The following TENM2 variants were observed in gnomAD, a reference collection of about 807,000 sequenced individuals.
TENM2 encodes the protein teneurin-2.
A neutral mutation model predicts 245.2 loss-of-function variants in TENM2; 52 were observed. The observed-to-expected ratio is 0.21, with a 90% confidence interval of 0.17 to 0.27. The LOEUF (loss-of-function observed/expected upper bound fraction) is 0.27, where lower values mean the gene tolerates loss of function less well. TENM2 is among the 10% of genes least tolerant of loss of function. The pLI is 1.00. For synonymous variants in TENM2, 1,363 were observed against 1,438.9 expected (o/e 0.95, Z 1.19); for missense variants, 3,046 against 3,666.8 (o/e 0.83, Z 4.37).
intron 2 of TENM2, among the ~76,000 whole-genome samples, chr5:167,825,065 C>A (rs1767847207): frequency 6.6e-6 from 1 of 151,820 alleles, no homozygotes; most frequent in Non-Finnish European, 1.5e-5. Flanking sequence ...ACTTGGAAAT[C>A]TGGTTGGGAG....
chr5:168,206,398 C>T (rs547052647), intron 19 of TENM2, among the ~76,000 whole-genome samples: 8 of 152,298 alleles, frequency 5.3e-5, no homozygotes, highest in Non-Finnish European at 1.0e-4. Flanking sequence ...CTCTGCGGTA[C>T]AGAAGGGGAT....
At chr5:167,607,254 A>T (rs765977933) in intron 2 of TENM2, among the ~76,000 whole-genome samples, 3 of 152,146 alleles carry the variant, frequency 2.0e-5, no homozygotes, top group Non-Finnish European at 4.4e-5. Flanking sequence ...GCCTCTCAGG[A>T]CTGGGAAAAC....
intron 2 of TENM2, among the ~76,000 whole-genome samples, chr5:167,570,958 A>G (rs1774229201): frequency 6.6e-6 from 1 of 152,124 alleles, no homozygotes; most frequent in Non-Finnish European, 1.5e-5. Flanking sequence ...TGAGTGGTAG[A>G]ACTTATTGAG....
At chr5:168,055,188 G>A (rs1468638100) in intron 6 of TENM2, among the ~76,000 whole-genome samples, 1 of 152,106 alleles carries the variant, frequency 6.6e-6, no homozygotes, top group Admixed American at 6.5e-5. Context: ...CTGGACAACA[G>A]GCTGCCTAGA....
chr5:168,201,378 C>A (rs1761928050), intron 17 of TENM2, among the ~76,000 whole-genome samples: 1 of 150,950 alleles, frequency 6.6e-6, no homozygotes, highest in Non-Finnish European at 1.5e-5. Context: ...GTAGCTAATA[C>A]CAAAATGACA....
At position 168,124,946 on chromosome 5, in the gene TENM2, C is replaced by T. The variant is rs368975927; in HGVS notation, c.2105C>T (p.Ala702Val). Residue 702 changes from alanine (A) to valine (V), a missense_variant, in exon 11 of 29, where the codon GCG becomes GTG. Ala to Val is a moderately conservative substitution (Grantham distance 64). Around this residue, in one of 2 missense-constraint regions of TENM2, gnomAD observed 2,704 missense variants for 3,331.9 expected, o/e 0.81. Transcript: ENST00000518659. Reference sequence around the variant, plus strand: ...TGGGGTGGTCTGAACTGTGAGCTGGCGAGGGTCCAGTGCCCAGACCAGTGC... The same window carrying T: ...TGGGGTGGTCTGAACTGTGAGCTGGTGAGGGTCCAGTGCCCAGACCAGTGC... The T allele has an allele frequency of 1.4e-5, 23 of 1,612,228 alleles. No homozygotes were observed. Among genetic ancestry groups the T allele is most frequent in the South Asian group, 4.4e-5 (4 of 90,460 alleles).
chr5:167,348,820 TC>T (rs1411589697), intron 1 of TENM2, among the ~76,000 whole-genome samples: 5 of 152,308 alleles, frequency 3.3e-5, no homozygotes, highest in African/African-American at 1.2e-4. Context: ...AATACTGCCT[TC>T]TTGGCATCGT....
At chr5:168,036,691 A>ATATG (rs1338461255) in intron 5 of TENM2, among the ~76,000 whole-genome samples, 2 of 116,336 alleles carry the variant, frequency 1.7e-5, no homozygotes. Flanking sequence ...ATATATATAT[A>ATATG]TATATATATG....
intron 2 of TENM2, among the ~76,000 whole-genome samples, chr5:167,605,170 T>C (rs1300836780): frequency 3.3e-5 from 5 of 152,260 alleles, no homozygotes; most frequent in Non-Finnish European, 5.9e-5. Context: ...CTGCAGGCCA[T>C]GGGGAGTCAT....
the TENM2 span, among the ~76,000 whole-genome samples, chr5:167,014,140 C>CTTTTTTTTTTTTTTTTTTTTTTTTTT: frequency 7.8e-6 from 1 of 128,672 alleles, no homozygotes; most frequent in Non-Finnish European, 1.6e-5. Context: ...AAAACCAATT[C>CTTTTTTTTTTTTTTTTTTTTTTTTTT]TTTTTTTTTT....
Position 168,218,686 on chromosome 5 carries a change from G to A in TENM2, c.4795G>A (p.Asp1599Asn), listed in dbSNP as rs766417441. 1 of 1,614,036 alleles carries A rather than the reference G, an allele frequency of 6.2e-7. No homozygotes were observed. Among genetic ancestry groups the A allele is most frequent in the Non-Finnish European group, 8.5e-7 (1 of 1,179,900 alleles). The stretch of plus-strand genomic sequence containing the variant: ...GCAGGAGTTATATGTTTTCAACGCT[G>A]ATGGCATCCACCAATACACTGTGAG... The change falls in exon 23 of 29, where the codon GAT becomes AAT. Residue 1599 changes from aspartate to asparagine, a missense_variant. Coordinates refer to ENST00000518659, the Ensembl canonical transcript of TENM2. The surrounding 1 kb of genome is among the most constrained non-coding windows in gnomAD (Gnocchi z 5.2).
chr5:167,966,259 A>C (rs1038167379), intron 4 of TENM2, among the ~76,000 whole-genome samples: 2 of 152,182 alleles, frequency 1.3e-5, no homozygotes, highest in Admixed American at 1.3e-4. Flanking sequence ...AGAATTAAGA[A>C]GCACAGCTAC....
At chr5:167,924,752 G>A (rs79014026) in intron 3 of TENM2, among the ~76,000 whole-genome samples, 15 of 152,240 alleles carry the variant, frequency 9.9e-5, no homozygotes, top group African/African-American at 2.9e-4. Flanking sequence ...AATGAGGTCT[G>A]ACTTCATGTC....
intron 4 of TENM2, among the ~76,000 whole-genome samples, chr5:167,963,536 G>T (rs553782785): frequency 4.1e-4 from 62 of 152,278 alleles, no homozygotes; most frequent in African/African-American, 1.3e-3. Flanking sequence ...TGAAAATGTG[G>T]TGTAAATTTA....
At chr5:167,528,127 A>G (rs1037509771) in intron 2 of TENM2, among the ~76,000 whole-genome samples, 10 of 152,194 alleles carry the variant, frequency 6.6e-5, no homozygotes, top group Non-Finnish European at 2.9e-5. Context: ...TAAAGTGTCC[A>G]GTGAAAGCCT....
chr5:168,177,402 G>A (rs1483323880), intron 13 of TENM2, among the ~76,000 whole-genome samples: 1 of 152,234 alleles, frequency 6.6e-6, no homozygotes. Context: ...GACTCAGAGA[G>A]GTAAAGTAAC....
At chr5:167,914,291 A>C (rs1204122927) in intron 3 of TENM2, among the ~76,000 whole-genome samples, 1 of 152,226 alleles carries the variant, frequency 6.6e-6, no homozygotes, top group East Asian at 1.9e-4. Flanking sequence ...TGCTAAAATC[A>C]AGGAGTCAGC....
At chr5:168,008,116 C>T (rs1433907108) in intron 5 of TENM2, among the ~76,000 whole-genome samples, 10 of 152,140 alleles carry the variant, frequency 6.6e-5, no homozygotes, top group African/African-American at 2.2e-4. Context: ...GGAGAAACTC[C>T]CAAGGGCTGG....
In TENM2 at chr5:167,992,082, G is replaced by C. The variant is rs75748556; in HGVS notation, c.948-862G>C. Among the ~76,000 whole-genome samples, 4 of 152,082 alleles carry C rather than the reference G, an allele frequency of 2.6e-5. No homozygotes were observed. In the East Asian group the frequency reaches 7.7e-4, roughly 29 times the overall value. ...GGGAGCTAAGCTATGAGGATGCAAA[G>C]GCATAAGAATAATATAATAAACTTT... On this transcript the variant is annotated intron_variant, in intron 4 of 28. Coordinates refer to ENST00000518659, the Ensembl canonical transcript of TENM2.
Sources: gnomAD v4.1 joint callset for allele counts (sites outside exome capture counted in the v4.1 genomes callset) on GRCh38, gnomAD v4.1.1 for gene constraint, gnomAD v4.1.1 regional missense constraint, Gnocchi (gnomAD v3.1) non-coding constraint, MANE v1.5 for transcripts, NCBI Gene and HGNC (gene_info 2026-07-23, HGNC 2026-07-21) for gene names.